Variants in GPC5 observed in about 807,000 individuals in gnomAD.
GPC5 encodes glypican-5.
GPC5 carries 47 observed loss-of-function variants against 53.9 expected under a neutral mutation model. That is an observed-to-expected ratio of 0.87 (90% CI 0.69 to 1.11). GPC5 has a LOEUF of 1.11. GPC5 is among the 50% of genes most tolerant of loss of function. The pLI, the probability that GPC5 is intolerant of heterozygous loss-of-function variation, is 0.00. For synonymous variants in GPC5, 286 were observed against 263.3 expected, an observed-to-expected ratio of 1.09 and a Z score of -0.84; for missense variants, 748 against 713.1, an observed-to-expected ratio of 1.05 and a Z score of -0.56.
rs1229998620 is a variant in GPC5 at position 92,555,830 on chromosome 13, G to C, written c.1562-310452G>C. ...TAACTAGCAAAATACATCTGCTACA[G>C]GGGTTGCATTCTTGATTTAGTGAAA... is the stretch of plus-strand genomic sequence containing the variant. On this transcript the variant is annotated intron_variant, in intron 7 of 7. Coordinates refer to ENST00000377067, the MANE Select transcript of GPC5 (RefSeq NM_004466.6). Among the ~76,000 whole-genome samples the C allele has an allele frequency of 4.0e-5, 6 of 150,568 alleles. No individual in the cohort carries two copies. In the East Asian group the frequency reaches 5.8e-4, roughly 15 times the overall value.
chr13:92,361,554 C>T (rs1206951167), intron 7 of GPC5, among the ~76,000 whole-genome samples: 3 of 151,644 alleles, frequency 2.0e-5, no homozygotes, highest in Non-Finnish European at 2.9e-5. Flanking sequence ...TGTTCCCAAA[C>T]ACCTGTCTAC....
At chr13:91,912,621 G>A (rs1209371302) in intron 6 of GPC5, among the ~76,000 whole-genome samples, 2 of 152,108 alleles carry the variant, frequency 1.3e-5, no homozygotes, top group Admixed American at 1.3e-4. Flanking sequence ...ATACTTTTCC[G>A]TGGCATTAAA....
intron 7 of GPC5, among the ~76,000 whole-genome samples, chr13:92,350,142 T>C (rs2043463567): frequency 6.6e-6 from 1 of 152,158 alleles, no homozygotes; most frequent in South Asian, 2.1e-4. Flanking sequence ...CATATAATTC[T>C]CTTATTAGAT....
intron 7 of GPC5, among the ~76,000 whole-genome samples, chr13:92,385,427 T>C (rs1219228397): frequency 1.3e-4 from 10 of 77,180 alleles, no homozygotes; most frequent in East Asian, 4.1e-4. Flanking sequence ...TATACATATA[T>C]ACATATATAC....
In GPC5 at chr13:91,953,613, A is replaced by G. The variant is rs545618935; in HGVS notation, c.1401+45556A>G. ...GCCCTAGTTCATTCGGGCTGCTATA[A>G]TAAAATACAATAGATTGGTTAGCTT... On this transcript the variant is annotated intron_variant, in intron 6 of 7. Coordinates refer to ENST00000377067, the MANE Select transcript of GPC5 (RefSeq NM_004466.6). 8.5e-5 allele frequency among the ~76,000 whole-genome samples: 13 copies of G among 152,348 alleles called. No homozygotes were observed. The South Asian group carries it at 2.7e-3, about 32-fold the overall frequency.
chr13:92,862,675 C>T (rs1429525688), intron 7 of GPC5, among the ~76,000 whole-genome samples: 2 of 147,268 alleles, frequency 1.4e-5, no homozygotes, highest in African/African-American at 5.0e-5. Context: ...ATAGATTTGA[C>T]TCGTCTAAGT....
chr13:92,355,731 G>A (rs1191632415), intron 7 of GPC5, among the ~76,000 whole-genome samples: 1 of 152,052 alleles, frequency 6.6e-6, no homozygotes, highest in Non-Finnish European at 1.5e-5. Context: ...ATGGGCATAT[G>A]TTAGATTTTG....
In GPC5 at chr13:92,238,572, A is replaced by G. The variant is rs1038752209; in HGVS notation, c.1561+93583A>G. 3.3e-5 allele frequency among the ~76,000 whole-genome samples: 5 copies of G among 152,060 alleles called. No homozygotes were observed. In the East Asian group the frequency reaches 5.8e-4, roughly 18 times the overall value. On this transcript the variant is annotated intron_variant, in intron 7 of 7. Transcript: ENST00000377067. ...TTATTTATCTTTTTGTTATGGAGTT[A>G]TAAGAGTCCTTATGTATTCTAGACA...
intron 7 of GPC5, among the ~76,000 whole-genome samples, chr13:92,211,522 G>C (rs2042375587): frequency 6.6e-6 from 1 of 152,248 alleles, no homozygotes; most frequent in African/African-American, 2.4e-5. Context: ...CCTTAGCCAA[G>C]CAGTTTGTAA....
At chr13:92,734,958 A>T (rs1312269181) in intron 7 of GPC5, among the ~76,000 whole-genome samples, 1 of 151,996 alleles carries the variant, frequency 6.6e-6, no homozygotes, top group East Asian at 1.9e-4. Flanking sequence ...AGGTTATTTT[A>T]TTATCAATAA....
chr13:92,477,991 C>A (rs1220385483), intron 7 of GPC5, among the ~76,000 whole-genome samples: 1 of 152,084 alleles, frequency 6.6e-6, no homozygotes, highest in African/African-American at 2.4e-5. Flanking sequence ...ATTTGTACTT[C>A]TCTTAAATAT....
chr13:91,933,463 T>C (rs2039841037), intron 6 of GPC5, among the ~76,000 whole-genome samples: 3 of 151,992 alleles, frequency 2.0e-5, no homozygotes, highest in Admixed American at 6.6e-5. Context: ...AAGAGTTCCA[T>C]TTTAACACAA....
intron 2 of GPC5, among the ~76,000 whole-genome samples, chr13:91,646,803 C>T (rs2034568660): frequency 6.6e-6 from 1 of 152,084 alleles, no homozygotes; most frequent in Non-Finnish European, 1.5e-5. Context: ...AGAAACAAGA[C>T]TTCAAAGAGG....
intron 7 of GPC5, among the ~76,000 whole-genome samples, chr13:92,539,992 C>T (rs1452859981): frequency 6.6e-6 from 1 of 151,876 alleles, no homozygotes; most frequent in East Asian, 1.9e-4. Flanking sequence ...TAGAAACAAA[C>T]ATTTTCTTTA....
At chr13:91,905,970 T>C (rs112810299) in intron 5 of GPC5, among the ~76,000 whole-genome samples, 96 of 152,168 alleles carry the variant, frequency 6.3e-4, no homozygotes, top group Non-Finnish European at 1.0e-3. Flanking sequence ...AGTCTGAGAT[T>C]TTATTGCACG....
chr13:92,447,877 T>C (rs975133897), intron 7 of GPC5: 1 of 152,160 alleles, frequency 6.6e-6, no homozygotes, highest in African/African-American at 2.4e-5. Flanking sequence ...GATTTCTAAG[T>C]ACAATTAACT....
At chr13:92,375,801 A>G (rs1399816447) in intron 7 of GPC5, among the ~76,000 whole-genome samples, 1 of 152,214 alleles carries the variant, frequency 6.6e-6, no homozygotes, top group African/African-American at 2.4e-5. Flanking sequence ...ACCCACTGAG[A>G]TAATTTGGTA....
intron 7 of GPC5, among the ~76,000 whole-genome samples, chr13:92,433,307 T>C (rs1259872734): frequency 6.6e-6 from 1 of 151,656 alleles, no homozygotes; most frequent in African/African-American, 2.4e-5. Context: ...TGGGGATGAG[T>C]TTGGTAGACA....
chr13:92,171,149 C>A (rs946021959), intron 7 of GPC5, among the ~76,000 whole-genome samples: 2 of 152,228 alleles, frequency 1.3e-5, no homozygotes, highest in African/African-American at 4.8e-5. Flanking sequence ...TGCTCACCCC[C>A]TTCCTCTTTT....
Sources: allele counts gnomAD v4.1 joint callset (sites outside exome capture counted in the v4.1 genomes callset), GRCh38; gene constraint gnomAD v4.1.1; transcripts MANE v1.5; gene names NCBI Gene and HGNC (gene_info 2026-07-23, HGNC 2026-07-21).